The following PDE1C variants were observed in gnomAD, a reference collection of about 807,000 sequenced individuals.
PDE1C encodes the protein dual specificity calcium/calmodulin-dependent 3',5'-cyclic nucleotide phosphodiesterase 1C.
A neutral mutation model predicts 93.1 loss-of-function variants in PDE1C; 62 were observed. The observed-to-expected ratio is 0.67, with a 90% CI of 0.54 to 0.82. The LOEUF is 0.82. PDE1C is among the 40% of genes least tolerant of loss of function. PDE1C has a pLI of 0.00. For synonymous variants in PDE1C, 325 were observed against 310.1 expected (o/e 1.05, Z -0.50); for missense variants, 742 against 884.6 (o/e 0.84, Z 2.04).
chr7:31,973,185 G>A (rs2129050871), intron 2 of PDE1C, among the ~76,000 whole-genome samples: 1 of 152,274 alleles, frequency 6.6e-6, no homozygotes, highest in South Asian at 2.1e-4. Context: ...AAGTGAACTT[G>A]AAGATAGAAC....
downstream of PDE1C, among the ~76,000 whole-genome samples, chr7:31,746,421 G>GCACT: frequency 6.6e-6 from 1 of 152,170 alleles, no homozygotes; most frequent in East Asian, 1.9e-4. Context: ...GACACTTACA[G>GCACT]CACTCCAAGA....
intron 2 of PDE1C, among the ~76,000 whole-genome samples, chr7:32,001,539 C>CA (rs34148184): frequency 0.28 from 42,429 of 152,020 alleles, 6,151 homozygotes; most frequent in African/African-American, 0.33. Context: ...TAACAGCGTA[C>CA]ACACCAGCTC....
chr7:31,680,073 T>C, the PDE1C span, among the ~76,000 whole-genome samples: 1 of 152,182 alleles, frequency 6.6e-6, no homozygotes, highest in African/African-American at 2.4e-5. Flanking sequence ...AGTCAGCATA[T>C]TTTCAGCATG....
At chr7:32,346,862 T>A (rs553571044) in intron 1 of PDE1C, among the ~76,000 whole-genome samples, 88 of 152,292 alleles carry the variant, frequency 5.8e-4, no homozygotes, top group African/African-American at 2.1e-3. Flanking sequence ...TTTATTTACA[T>A]AAAATCTCTA....
intron 1 of PDE1C, among the ~76,000 whole-genome samples, chr7:32,061,354 A>G (rs1279533214): frequency 6.6e-6 from 1 of 152,242 alleles, no homozygotes; most frequent in Non-Finnish European, 1.5e-5. Context: ...AAGGGCATGA[A>G]TGGGCAGAGG....
intron 11 of PDE1C, among the ~76,000 whole-genome samples, chr7:31,832,904 A>G (rs962428722): frequency 6.6e-6 from 1 of 152,188 alleles, no homozygotes; most frequent in African/African-American, 2.4e-5. Flanking sequence ...ACCTCAAACT[A>G]TATGAGTTAG....
intron 3 of PDE1C, among the ~76,000 whole-genome samples, chr7:32,166,576 T>C (rs1266298990): frequency 1.3e-5 from 2 of 152,224 alleles, no homozygotes; most frequent in Non-Finnish European, 2.9e-5. Context: ...AGAGTTGAGA[T>C]GGTGTTTGCA....
intron 2 of PDE1C, among the ~76,000 whole-genome samples, chr7:32,196,690 A>T (rs1028309075): frequency 1.4e-4 from 21 of 152,204 alleles, no homozygotes; most frequent in African/African-American, 4.8e-4. Flanking sequence ...TATCTTTTAA[A>T]AGATTGCTCT....
At chr7:32,423,538 G>A (rs1383693088) in intron 1 of PDE1C, among the ~76,000 whole-genome samples, 1 of 152,178 alleles carries the variant, frequency 6.6e-6, no homozygotes, top group Non-Finnish European at 1.5e-5. Context: ...GGGAAATTTG[G>A]TTAAAATGCT....
At chr7:32,080,396 T>C (rs1030817711) in intron 3 of PDE1C, among the ~76,000 whole-genome samples, 2 of 152,106 alleles carry the variant, frequency 1.3e-5, no homozygotes, top group Admixed American at 1.3e-4. Flanking sequence ...TGGCACAAAG[T>C]TAGTGATTCC....
chr7:32,412,524 T>A (rs1428859397), intron 1 of PDE1C, among the ~76,000 whole-genome samples: 2 of 151,834 alleles, frequency 1.3e-5, no homozygotes, highest in African/African-American at 4.8e-5. Flanking sequence ...CATTATCAAG[T>A]GTTATGTAGT....
the PDE1C span, among the ~76,000 whole-genome samples, chr7:31,722,654 C>G: frequency 6.6e-6 from 1 of 152,172 alleles, no homozygotes; most frequent in Admixed American, 6.5e-5. Flanking sequence ...CGGGAGCTGA[C>G]CAGGTGAAGA....
intron 1 of PDE1C, among the ~76,000 whole-genome samples, chr7:32,276,486 T>C (rs573446427): frequency 6.6e-6 from 1 of 152,246 alleles, no homozygotes; most frequent in South Asian, 2.1e-4. Flanking sequence ...TTAAATCCTA[T>C]AGTTTAGAGA....
intron 2 of PDE1C, among the ~76,000 whole-genome samples, chr7:31,981,743 G>C (rs1812402477): frequency 6.6e-6 from 1 of 152,166 alleles, no homozygotes; most frequent in African/African-American, 2.4e-5. Flanking sequence ...ATAGTTGTAT[G>C]TGTCAACACA....
intron 1 of PDE1C, among the ~76,000 whole-genome samples, chr7:32,396,233 C>T (rs1784837483): frequency 6.6e-6 from 1 of 152,136 alleles, no homozygotes; most frequent in African/African-American, 2.4e-5. Flanking sequence ...AATCCCAACA[C>T]TTTGGGAGGC....
intron 1 of PDE1C, among the ~76,000 whole-genome samples, chr7:32,330,764 C>T (rs551882913): frequency 1.2e-4 from 19 of 152,140 alleles, no homozygotes; most frequent in Non-Finnish European, 2.1e-4. Context: ...GGAACAGGAT[C>T]GATCCCCAAG....
At chr7:31,802,094 T>C (rs1003677641) in intron 16 of PDE1C, among the ~76,000 whole-genome samples, 5 of 151,584 alleles carry the variant, frequency 3.3e-5, no homozygotes, top group Non-Finnish European at 5.9e-5. Flanking sequence ...TTGTTTTAAT[T>C]CTGTGATCTT....
chr7:32,345,090 T>C (rs1783827104), intron 1 of PDE1C, among the ~76,000 whole-genome samples: 1 of 152,134 alleles, frequency 6.6e-6, no homozygotes, highest in African/African-American at 2.4e-5. Context: ...TCTGTTATGA[T>C]CACAGATGAG....
the PDE1C span, chr7:31,687,193 G>C: frequency 6.6e-6 from 1 of 152,484 alleles, no homozygotes; most frequent in Admixed American, 6.5e-5. Flanking sequence ...CTAGATAAGA[G>C]GAGCTGGAGC....
Sources: gnomAD v4.1 joint callset for allele counts (sites outside exome capture counted in the v4.1 genomes callset) on GRCh38, gnomAD v4.1.1 for gene constraint, MANE v1.5 for transcripts, NCBI Gene and HGNC (gene_info 2026-07-23, HGNC 2026-07-21) for gene names.